The following GRM7 variants were observed in gnomAD, a reference collection of about 807,000 sequenced individuals.
The protein encoded by GRM7 is glutamate metabotropic receptor 7, also known as metabotropic glutamate receptor 7.
A neutral mutation model predicts 84.5 loss-of-function variants in GRM7; 35 were observed. The observed-to-expected ratio is 0.41, with a 90% CI of 0.32 to 0.55. GRM7 has a LOEUF of 0.55. GRM7 is among the 20% of genes least tolerant of loss of function. The pLI, the probability that GRM7 is intolerant of heterozygous loss-of-function variation, is 0.19. For synonymous variants in GRM7, 487 were observed against 455.1 expected, an observed-to-expected ratio of 1.07 and a Z score of -0.89; for missense variants, 1,003 against 1,194.6, an observed-to-expected ratio of 0.84 and a Z score of 2.36.
In GRM7 at chr3:7,118,846, A is replaced by G. The variant is rs562631708; in HGVS notation, c.520-27606A>G. Among the ~76,000 whole-genome samples, 4 of 152,258 alleles carry G rather than the reference A, an allele frequency of 2.6e-5. No individual in the cohort carries two copies. In the East Asian group the frequency reaches 7.7e-4, roughly 29 times the overall value. ...TTTCGTTTTTTCCAATCACAAGAAC[A>G]TCGATATCCTCACCTTCCAAAATCT... On this transcript the variant is annotated intron_variant, in intron 1 of 9. Transcript: ENST00000357716.
rs187922392 is a variant in GRM7 at position 7,619,262 on chromosome 3, G to T, written c.2451+39905G>T. 1.7e-3 allele frequency among the ~76,000 whole-genome samples: 260 copies of T among 152,278 alleles called. 2 individuals are homozygous for T. The highest frequency in any genetic ancestry group is 5.9e-3 in the African/African-American group (246 of 41,572). On this transcript the variant is annotated intron_variant, in intron 8 of 9. Coordinates refer to ENST00000357716, the MANE Select transcript of GRM7 (RefSeq NM_000844.4). ...CCAACAATTTAGGTTATCAACATAA[G>T]GTGAAGACTAAATTGGCCCTAACTG...
At chr3:7,222,975 A>C (rs574417301) in intron 2 of GRM7, among the ~76,000 whole-genome samples, 3 of 151,978 alleles carry the variant, frequency 2.0e-5, no homozygotes, top group Admixed American at 1.3e-4. Flanking sequence ...GAAATTATAC[A>C]TTTTCTTTCT....
At chr3:7,631,775 G>C (rs761489303) in intron 8 of GRM7, among the ~76,000 whole-genome samples, 2 of 152,012 alleles carry the variant, frequency 1.3e-5, no homozygotes, top group Non-Finnish European at 2.9e-5. Context: ...TCCAGGCTTT[G>C]CCAAATGTTC....
intron 1 of GRM7, among the ~76,000 whole-genome samples, chr3:7,062,058 G>A (rs1697449533): frequency 6.6e-6 from 1 of 151,602 alleles, no homozygotes; most frequent in Non-Finnish European, 1.5e-5. Flanking sequence ...GACATTTAAA[G>A]TTCCCCAGTG....
At chr3:7,070,722 C>T (rs1697845177) in intron 1 of GRM7, among the ~76,000 whole-genome samples, 1 of 148,548 alleles carries the variant, frequency 6.7e-6, no homozygotes, top group African/African-American at 2.6e-5. Flanking sequence ...GTCGGTTGCT[C>T]ATATGACATT....
At chr3:7,446,686 C>T (rs956149812) in intron 5 of GRM7, among the ~76,000 whole-genome samples, 3 of 152,050 alleles carry the variant, frequency 2.0e-5, no homozygotes, top group African/African-American at 7.2e-5. Flanking sequence ...TCTTGAACTC[C>T]TGACCTCAGG....
At chr3:7,627,677 A>G (rs1260977365) in intron 8 of GRM7, among the ~76,000 whole-genome samples, 1 of 152,166 alleles carries the variant, frequency 6.6e-6, no homozygotes, top group Non-Finnish European at 1.5e-5. Flanking sequence ...GGTGGTGGAA[A>G]CAACAGAAAT....
At chr3:7,293,060 T>C (rs966767860) in intron 2 of GRM7, among the ~76,000 whole-genome samples, 29 of 149,744 alleles carry the variant, frequency 1.9e-4, no homozygotes, top group Non-Finnish European at 3.4e-4. Context: ...AATTGAGCTT[T>C]TCTTATAATA....
intron 5 of GRM7, among the ~76,000 whole-genome samples, chr3:7,430,570 A>T (rs1423095215): frequency 6.6e-6 from 1 of 152,258 alleles, no homozygotes; most frequent in Non-Finnish European, 1.5e-5. Flanking sequence ...AGTTAGGCAC[A>T]TACCGATCTG....
intron 7 of GRM7, among the ~76,000 whole-genome samples, chr3:7,498,630 G>C (rs1157204853): frequency 6.6e-6 from 1 of 152,188 alleles, no homozygotes; most frequent in Non-Finnish European, 1.5e-5. Context: ...TAAAGCACTT[G>C]ATCAGTGTGT....
intron 1 of GRM7, among the ~76,000 whole-genome samples, chr3:7,092,600 TG>T (rs34531178): frequency 0.57 from 81,945 of 144,072 alleles, 24,566 homozygotes; most frequent in African/African-American, 0.81. Flanking sequence ...TTCTTTGAAT[TG>T]GGGGGGGGGC....
Position 6,863,149 on chromosome 3 carries a change from C to G in GRM7, c.519+1242C>G. 3.1e-6 allele frequency: 1 copy of G among 319,524 alleles called. No homozygotes were observed. Among genetic ancestry groups the G allele is most frequent in the South Asian group, 2.4e-5 (1 of 41,384 alleles). 19.8% of individuals were successfully genotyped at this position (319,524 alleles called of 1,614,324 possible). On this transcript the variant is annotated intron_variant, in intron 1 of 9. Coordinates refer to ENST00000357716, the MANE Select transcript of GRM7 (RefSeq NM_000844.4). This position sits in a 1 kb window ranked among gnomAD's most constrained non-coding sequence, Gnocchi z 4.8. ...TGTTTTTTTTTTCTCTCTGTTTTTT[C>G]TCTCCTTTTCAATCTCTCCCTCCTT...
chr3:7,217,829 G>C (rs1575044591), intron 2 of GRM7, among the ~76,000 whole-genome samples: 1 of 149,478 alleles, frequency 6.7e-6, no homozygotes, highest in African/African-American at 2.5e-5. Context: ...GTATAGATGT[G>C]TGTATATGTG....
intron 6 of GRM7, among the ~76,000 whole-genome samples, chr3:7,459,888 G>A (rs540432659): frequency 1.3e-5 from 2 of 152,076 alleles, no homozygotes; most frequent in South Asian, 4.2e-4. Flanking sequence ...TCCAGGAGCA[G>A]AGTAAGCCAC....
At chr3:7,369,444 C>T (rs1490475325) in intron 4 of GRM7, among the ~76,000 whole-genome samples, 1 of 151,500 alleles carries the variant, frequency 6.6e-6, no homozygotes, top group Non-Finnish European at 1.5e-5. Context: ...AGATGAGTCT[C>T]ACTTCTCTTC....
At chr3:7,331,511 A>T (rs890493556) in intron 4 of GRM7, among the ~76,000 whole-genome samples, 1 of 152,194 alleles carries the variant, frequency 6.6e-6, no homozygotes. Flanking sequence ...CAAATATTCC[A>T]CTCTGAAAGC....
chr3:7,213,418 C>T (rs193095388), intron 2 of GRM7, among the ~76,000 whole-genome samples: 1 of 152,210 alleles, frequency 6.6e-6, no homozygotes, highest in South Asian at 2.1e-4. Flanking sequence ...GGAGATCACC[C>T]GCTTCAATCT....
intron 2 of GRM7, among the ~76,000 whole-genome samples, chr3:7,228,116 G>C (rs1697041672): frequency 6.6e-6 from 1 of 152,164 alleles, no homozygotes. Context: ...GGTGAGTGAA[G>C]TTTCCTGCTA....
intron 2 of GRM7, among the ~76,000 whole-genome samples, chr3:7,274,206 G>A (rs1272746682): frequency 1.3e-5 from 2 of 151,774 alleles, no homozygotes; most frequent in African/African-American, 4.8e-5. Flanking sequence ...TATCATTGTT[G>A]TCATTCATTT....
Sources: gnomAD v4.1 joint callset for allele counts (sites outside exome capture counted in the v4.1 genomes callset) on GRCh38, gnomAD v4.1.1 for gene constraint, Gnocchi (gnomAD v3.1) non-coding constraint, MANE v1.5 for transcripts, NCBI Gene and HGNC (gene_info 2026-07-23, HGNC 2026-07-21) for gene names.